The following IL1RAPL1 variants were observed in gnomAD, a reference collection of about 807,000 sequenced individuals.
IL1RAPL1 encodes the protein interleukin-1 receptor accessory protein-like 1.
IL1RAPL1 carries 3 observed loss-of-function variants against 48.4 expected under a neutral mutation model. The ratio of observed to expected loss-of-function variants is 0.06; its 90% CI spans 0.03 to 0.16. The LOEUF (loss-of-function observed/expected upper bound fraction) is 0.16. IL1RAPL1 is among the 10% of genes least tolerant of loss of function. The probability of loss-of-function intolerance (pLI) is 1.00; values close to 1 mark genes in which losing one functional copy is unlikely to be tolerated. For synonymous variants in IL1RAPL1, 185 were observed against 187.7 expected (o/e 0.99, Z 0.12); for missense variants, 349 against 530.6 (o/e 0.66, Z 3.36).
At chrX:29,486,612 CAAAAAAA>C (rs768358495) in intron 5 of IL1RAPL1, among the ~76,000 whole-genome samples, 7 of 40,917 alleles carry the variant, frequency 1.7e-4, no homozygotes, top group African/African-American at 5.8e-4. Flanking sequence ...AAGTGCTATA[CAAAAAAA>C]AAAAAAAAAA....
intron 1 of IL1RAPL1, among the ~76,000 whole-genome samples, chrX:28,603,876 A>G (rs944547316): frequency 6.2e-5 from 7 of 112,515 alleles, no homozygotes; most frequent in Admixed American, 9.4e-5. Flanking sequence ...TCCATCCCTC[A>G]TGGGGATGGG....
chrX:29,305,337 T>C (rs1932601132), intron 3 of IL1RAPL1, among the ~76,000 whole-genome samples: 1 of 111,789 alleles, frequency 8.9e-6, no homozygotes, highest in Admixed American at 9.5e-5. Context: ...AACTTTGTTA[T>C]TGAAAAAGTC....
chrX:28,917,766 C>T (rs769985603), intron 2 of IL1RAPL1, among the ~76,000 whole-genome samples: 1 of 112,233 alleles, frequency 8.9e-6, no homozygotes, highest in East Asian at 2.8e-4. Flanking sequence ...TTGTGGTATA[C>T]CATACGTAAC....
At chrX:29,925,677 A>G (rs1163239984) in intron 8 of IL1RAPL1, among the ~76,000 whole-genome samples, 1 of 106,927 alleles carries the variant, frequency 9.4e-6, no homozygotes, top group Non-Finnish European at 1.9e-5. Context: ...GGCTAGGACT[A>G]CAGGTGCATG....
chrX:28,648,935 T>TACAGGTAGA (rs1471615650), intron 1 of IL1RAPL1, among the ~76,000 whole-genome samples: 8 of 111,632 alleles, frequency 7.2e-5, no homozygotes, highest in African/African-American at 2.6e-4. Flanking sequence ...AAGCTGAATA[T>TACAGGTAGA]ACAGGTAGAT....
chrX:28,954,803 A>T (rs1014471115), intron 2 of IL1RAPL1, among the ~76,000 whole-genome samples: 1 of 111,775 alleles, frequency 8.9e-6, no homozygotes, highest in Non-Finnish European at 1.9e-5. Context: ...ACTAGGCAAA[A>T]CAAGTGAAGT....
chrX:29,236,182 A>C (rs1046291844), intron 2 of IL1RAPL1, among the ~76,000 whole-genome samples: 1 of 112,762 alleles, frequency 8.9e-6, no homozygotes, highest in Non-Finnish European at 1.9e-5. Flanking sequence ...AAAAGTAATC[A>C]GAAGTCTTAA....
At chrX:29,353,440 A>G (rs1933260630) in intron 3 of IL1RAPL1, among the ~76,000 whole-genome samples, 1 of 111,914 alleles carries the variant, frequency 8.9e-6, no homozygotes, top group Non-Finnish European at 1.9e-5. Flanking sequence ...TATAGACCAT[A>G]TAAATCAGGG....
intron 2 of IL1RAPL1, among the ~76,000 whole-genome samples, chrX:29,236,801 C>T (rs1443024401): frequency 9.4e-6 from 1 of 106,862 alleles, no homozygotes; most frequent in Non-Finnish European, 1.9e-5. Flanking sequence ...GATCTCCTGA[C>T]CTCATGATCT....
chrX:29,646,936 C>G (rs751829539), intron 5 of IL1RAPL1, among the ~76,000 whole-genome samples: 1 of 111,925 alleles, frequency 8.9e-6, no homozygotes, highest in Non-Finnish European at 1.9e-5. Flanking sequence ...ACCACCAGAC[C>G]TGTCTTACAA....
intron 5 of IL1RAPL1, among the ~76,000 whole-genome samples, chrX:29,505,648 T>A (rs1188595817): frequency 9.0e-6 from 1 of 111,327 alleles, no homozygotes; most frequent in Non-Finnish European, 1.9e-5. Context: ...GCTTCTTTTC[T>A]CTTGCTGCTT....
chrX:28,640,520 A>AT lies in IL1RAPL1; in HGVS notation c.-25+52483dup, dbSNP rs1333723083. On this transcript the variant is annotated intron_variant, in intron 1 of 10. Coordinates refer to ENST00000378993, the MANE Select transcript of IL1RAPL1 (RefSeq NM_014271.4). ...ACCACCACACCCGGCTAATTTTTGT[A>AT]TTTTTTTTTTAGTAGAGATGAGGTG... 5.1e-4 allele frequency among the ~76,000 whole-genome samples: 53 copies of AT among 103,360 alleles called. No homozygotes were observed. The East Asian group carries it at 0.013, about 24-fold the overall frequency. The allele number at this position is 103,360 out of a possible 115,157, so 89.8% of individuals were successfully genotyped here.
At chrX:28,940,647 C>T (rs1288251198) in intron 2 of IL1RAPL1, among the ~76,000 whole-genome samples, 2 of 110,467 alleles carry the variant, frequency 1.8e-5, no homozygotes, top group Non-Finnish European at 3.8e-5. Context: ...AAAGAAATAA[C>T]CTGTTGATTA....
intron 2 of IL1RAPL1, among the ~76,000 whole-genome samples, chrX:28,956,473 G>T (rs1218457257): frequency 1.8e-5 from 2 of 110,389 alleles, no homozygotes; most frequent in African/African-American, 6.6e-5. Flanking sequence ...TAGCATGAAG[G>T]GTTGCTGAAT....
chrX:28,984,028 C>T (rs1390067490), intron 2 of IL1RAPL1, among the ~76,000 whole-genome samples: 1 of 111,077 alleles, frequency 9.0e-6, no homozygotes, highest in African/African-American at 3.3e-5. Context: ...CTAATAGGAC[C>T]AAAAACATTG....
intron 2 of IL1RAPL1, among the ~76,000 whole-genome samples, chrX:28,931,273 A>G (rs1923875197): frequency 8.9e-6 from 1 of 111,948 alleles, no homozygotes; most frequent in African/African-American, 3.2e-5. Flanking sequence ...GTGAAAATTG[A>G]GCAGTTTTAA....
At chrX:29,132,551 A>G (rs2147485246) in intron 2 of IL1RAPL1, among the ~76,000 whole-genome samples, 1 of 112,147 alleles carries the variant, frequency 8.9e-6, no homozygotes, top group South Asian at 3.7e-4. Flanking sequence ...AGGTTTGTGT[A>G]AGTAGGCTCT....
intron 2 of IL1RAPL1, among the ~76,000 whole-genome samples, chrX:29,079,133 T>C (rs1927746480): frequency 8.9e-6 from 1 of 111,743 alleles, no homozygotes; most frequent in Non-Finnish European, 1.9e-5. Context: ...TTTGCATAGA[T>C]TTTTCTGGAC....
intron 2 of IL1RAPL1, among the ~76,000 whole-genome samples, chrX:28,966,928 GT>G (rs147039084): frequency 2.7e-5 from 3 of 111,838 alleles, no homozygotes; most frequent in Non-Finnish European, 5.6e-5. Context: ...CTTTCTGAAT[GT>G]TTTTCCACAA....
Sources: gnomAD v4.1 joint callset for allele counts (sites outside exome capture counted in the v4.1 genomes callset) on GRCh38, gnomAD v4.1.1 for gene constraint, MANE v1.5 for transcripts, NCBI Gene and HGNC (gene_info 2026-07-23, HGNC 2026-07-21) for gene names.